TENT5D: variants seen among roughly 807,000 people sequenced by gnomAD.
TENT5D encodes cancer/testis antigen 112.
For missense variants in TENT5D, 191 were observed against 287.0 expected (o/e 0.67, Z 2.42); for synonymous variants, 103 against 100.6 (o/e 1.02, Z -0.15).
chrX:80,383,582 C>T (rs978498388), intron 3 of TENT5D, among the ~76,000 whole-genome samples: 3 of 112,215 alleles, frequency 2.7e-5, no homozygotes, highest in Admixed American at 9.4e-5. Context: ...TTGGGCCGGG[C>T]GCATTGGCTC....
At chrX:80,433,574 C>G (rs745497966) in intron 1 of TENT5D, among the ~76,000 whole-genome samples, 9 of 111,708 alleles carry the variant, frequency 8.1e-5, no homozygotes, top group Non-Finnish European at 1.5e-4. Context: ...AGAAGTTTAG[C>G]CTGGGGAAAG....
In TENT5D at chrX:80,365,606, C is replaced by T. The variant is rs188148460; in HGVS notation, c.-142+23042C>T. Among the ~76,000 whole-genome samples, 51 of 110,698 alleles carry T rather than the reference C, an allele frequency of 4.6e-4. 1 individual carries two copies. In the South Asian group the frequency reaches 0.017, roughly 37 times the overall value. ...CTGTAATCCCAGCACTTTAGGAGGC[C>T]GAGGCGGGTGGATCACTTGAGGTCA... On this transcript the variant is annotated intron_variant, in intron 3 of 4. Coordinates refer to the TENT5D transcript ENST00000538312.
chrX:80,350,039 C>T (rs1029929627), intron 3 of TENT5D, among the ~76,000 whole-genome samples: 1 of 111,390 alleles, frequency 9.0e-6, no homozygotes, highest in African/African-American at 3.3e-5. Context: ...TGTTCTTTTG[C>T]ATTTGCTGAG....
At position 80,340,836 on chromosome X, in the gene TENT5D, T is replaced by C. The variant is rs774515460; in HGVS notation, c.-206-1664T>C. Among the ~76,000 whole-genome samples, 3 of 112,107 alleles carry C rather than the reference T, an allele frequency of 2.7e-5. No homozygotes were observed. The South Asian group carries it at 1.1e-3, about 41-fold the overall frequency. ...TTTGAAGGACAGAATCACCCCCAGATAACCATTTATCTAGCTATAGAATTA... is the reference window on the plus strand; with the variant it reads ...TTTGAAGGACAGAATCACCCCCAGACAACCATTTATCTAGCTATAGAATTA... On this transcript the variant is annotated intron_variant, in intron 2 of 4. Coordinates refer to the TENT5D transcript ENST00000538312.
intron 1 of TENT5D, among the ~76,000 whole-genome samples, chrX:80,424,050 G>A (rs1436574205): frequency 3.6e-5 from 4 of 109,877 alleles, no homozygotes; most frequent in Non-Finnish European, 7.6e-5. Flanking sequence ...CAGGAGTGGA[G>A]ACCCTAACTG....
chrX:80,353,076 G>T lies in TENT5D; in HGVS notation c.-142+10512G>T, dbSNP rs143402755. 4.7e-3 allele frequency among the ~76,000 whole-genome samples: 525 copies of T among 112,151 alleles called. 6 individuals carry two copies. Among genetic ancestry groups the T allele is most frequent in the African/African-American group, 0.016 (498 of 30,892 alleles). On this transcript the variant is annotated intron_variant, in intron 3 of 4. Coordinates refer to the TENT5D transcript ENST00000538312. ...GAAATGCAGAAATCACCTGCCTTCT[G>T]CATTGGTCTCCCTGGAAGCTGCAGA...
intron 3 of TENT5D, among the ~76,000 whole-genome samples, chrX:80,396,266 A>G (rs1380442805): frequency 9.0e-6 from 1 of 110,710 alleles, no homozygotes; most frequent in African/African-American, 3.3e-5. Context: ...AGGAAACTTT[A>G]TACTGTTTTT....
chrX:80,414,459 G>A (rs187873145), intron 3 of TENT5D, among the ~76,000 whole-genome samples: 4 of 111,912 alleles, frequency 3.6e-5, no homozygotes, highest in Non-Finnish European at 5.6e-5. Context: ...GGTTAAGGAC[G>A]TGCCCGCAAC....
At chrX:80,376,084 G>C (rs995922910) in intron 3 of TENT5D, among the ~76,000 whole-genome samples, 3 of 108,904 alleles carry the variant, frequency 2.8e-5, no homozygotes, top group Non-Finnish European at 5.7e-5. Context: ...TTTTTTCTTT[G>C]AGGAGTATAT....
chrX:80,409,956 A>G (rs1166348929), intron 3 of TENT5D, among the ~76,000 whole-genome samples: 1 of 109,730 alleles, frequency 9.1e-6, no homozygotes, highest in Admixed American at 9.7e-5. Flanking sequence ...ATCTACAACT[A>G]TCTGATCTTT....
intron 3 of TENT5D, among the ~76,000 whole-genome samples, chrX:80,357,895 C>T (rs1050182960): frequency 1.8e-4 from 20 of 111,626 alleles, no homozygotes; most frequent in Admixed American, 1.6e-3. Context: ...GGAGGCATCA[C>T]GCTACCTGAC....
chrX:80,425,858 C>T (rs895404099), intron 1 of TENT5D, among the ~76,000 whole-genome samples: 2 of 110,095 alleles, frequency 1.8e-5, no homozygotes, highest in African/African-American at 6.6e-5. Flanking sequence ...GAAACCCTGT[C>T]TCTACTAAAA....
At chrX:80,375,092 T>C (rs1930699130) in intron 3 of TENT5D, among the ~76,000 whole-genome samples, 1 of 111,837 alleles carries the variant, frequency 8.9e-6, no homozygotes, top group South Asian at 3.7e-4. Context: ...TGTTCTTTCA[T>C]TGCTATTGTC....
rs950170772 is a variant in TENT5D, at chrX:80,378,133, T to C, written c.-142+35569T>C. Among the ~76,000 whole-genome samples, 5 of 112,382 alleles carry C rather than the reference T, an allele frequency of 4.4e-5. No individual in the cohort carries two copies. In the Admixed American group the frequency reaches 4.7e-4, roughly 11 times the overall value. On this transcript the variant is annotated intron_variant, in intron 3 of 4. Coordinates refer to the TENT5D transcript ENST00000538312. ...TTAAGTTCTTTGTAGATTATGGATG[T>C]TAGCCTTTTGTCAGATGGGTAGATT...
intron 3 of TENT5D, among the ~76,000 whole-genome samples, chrX:80,349,302 T>C (rs1930127177): frequency 8.9e-6 from 1 of 111,836 alleles, no homozygotes; most frequent in African/African-American, 3.3e-5. Context: ...CTTTTTTTGG[T>C]TGGTAGTCTG....
intron 3 of TENT5D, among the ~76,000 whole-genome samples, chrX:80,357,549 A>AT (rs1930310727): frequency 9.0e-6 from 1 of 111,411 alleles, no homozygotes. Context: ...TTTTGGCCGC[A>AT]TAAATGTCTT....
At chrX:80,396,527 C>T (rs1028709855) in intron 3 of TENT5D, among the ~76,000 whole-genome samples, 5 of 110,417 alleles carry the variant, frequency 4.5e-5, no homozygotes, top group Non-Finnish European at 5.7e-5. Flanking sequence ...CATCTTGCAC[C>T]GCCCTTAATC....
At position 80,442,890 on chromosome X, in the gene TENT5D, G is replaced by T. The variant is rs1422907488; in HGVS notation, c.351G>T (p.Lys117Asn). The change falls in exon 3 of 3, where the codon AAG becomes AAT. Residue 117 changes from lysine (K) to asparagine (N), a missense_variant. Lys to Asn is a moderately conservative substitution (Grantham distance 94). Coordinates refer to ENST00000308293, the Ensembl canonical transcript of TENT5D. ...TTGACTTTTTACCAAAAGATGTAAA[G>T]AAGGAAAAGCTCTCCCCAGATATCA... is the stretch of plus-strand genomic sequence containing the variant. 2 of 1,211,014 alleles carry T rather than the reference G, an allele frequency of 1.7e-6. No individual in the cohort carries two copies. Among genetic ancestry groups the T allele is most frequent in the South Asian group, 3.5e-5 (2 of 56,985 alleles).
chrX:80,369,774 C>G (rs757431483), intron 3 of TENT5D, among the ~76,000 whole-genome samples: 5 of 111,713 alleles, frequency 4.5e-5, no homozygotes, highest in Admixed American at 9.6e-5. Flanking sequence ...TCCCATTTGT[C>G]TTATATGCAA....
Sources: gnomAD v4.1 joint callset for allele counts (sites outside exome capture counted in the v4.1 genomes callset) on GRCh38, gnomAD v4.1.1 for gene constraint, MANE v1.5 for transcripts, NCBI Gene and HGNC (gene_info 2026-07-23, HGNC 2026-07-21) for gene names.